Variants in LRRTM4 observed in about 807,000 individuals in gnomAD.
LRRTM4 encodes the protein leucine rich repeat transmembrane neuronal 4, also known as leucine-rich repeat transmembrane neuronal protein 4.
Under a neutral mutation model 47.6 loss-of-function variants are expected in LRRTM4, and 25 were observed. The observed-to-expected ratio is 0.53, with a 90% CI of 0.38 to 0.73. The LOEUF (loss-of-function observed/expected upper bound fraction) is 0.73, where lower values mean the gene tolerates loss of function less well. LRRTM4 is among the 30% of genes least tolerant of loss of function. The pLI is 0.00. For missense variants in LRRTM4, 638 were observed against 713.4 expected (o/e 0.89, Z 1.20); for synonymous variants, 311 against 269.5 (o/e 1.15, Z -1.51).
rs900506996 is a variant in LRRTM4, at chr2:76,803,568, C to T, written c.1552-54652G>A. Reference sequence around the variant, plus strand: ...CTCAAAAAATTAAATATAAAACTAACAGATGATTCGGCAATACCGCTACTG... The same window carrying T: ...CTCAAAAAATTAAATATAAAACTAATAGATGATTCGGCAATACCGCTACTG... On this transcript the variant is annotated intron_variant, in intron 3 of 3. Coordinates refer to ENST00000409884, the MANE Select transcript of LRRTM4 (RefSeq NM_001134745.3). Among the ~76,000 whole-genome samples, 5 of 152,114 alleles carry T rather than the reference C, an allele frequency of 3.3e-5. 1 individual carries two copies. Among genetic ancestry groups the T allele is most frequent in the African/African-American group, 1.2e-4 (5 of 41,448 alleles).
intron 3 of LRRTM4, among the ~76,000 whole-genome samples, chr2:77,060,770 C>CT (rs983678246): frequency 5.9e-5 from 9 of 151,520 alleles, no homozygotes; most frequent in Admixed American, 4.6e-4. Context: ...ACCTATGTCT[C>CT]TTTTTTTTCA....
intron 3 of LRRTM4, among the ~76,000 whole-genome samples, chr2:76,992,580 T>C (rs1677047004): frequency 6.6e-6 from 1 of 151,018 alleles, no homozygotes; most frequent in African/African-American, 2.4e-5. Flanking sequence ...AGGTAAAAGA[T>C]CTGCACAAAG....
At chr2:76,750,783 A>G (rs966154812) in intron 3 of LRRTM4, among the ~76,000 whole-genome samples, 5 of 152,210 alleles carry the variant, frequency 3.3e-5, no homozygotes, top group African/African-American at 1.2e-4. Context: ...GATTAATACA[A>G]CGTTGACACA....
At chr2:77,297,236 A>G (rs190109986) in intron 3 of LRRTM4, among the ~76,000 whole-genome samples, 155 of 152,272 alleles carry the variant, frequency 1.0e-3, no homozygotes, top group African/African-American at 3.6e-3. Context: ...GGCCCTTCTC[A>G]TATTTTACTA....
intron 3 of LRRTM4, among the ~76,000 whole-genome samples, chr2:77,064,090 A>G (rs1679878295): frequency 6.6e-6 from 1 of 152,186 alleles, no homozygotes; most frequent in Non-Finnish European, 1.5e-5. Context: ...TAAAAATGTA[A>G]CTATGCAACA....
intron 3 of LRRTM4, among the ~76,000 whole-genome samples, chr2:77,315,182 T>C (rs1334822837): frequency 1.3e-5 from 2 of 151,992 alleles, no homozygotes; most frequent in African/African-American, 4.8e-5. Flanking sequence ...AAGTTAAAGG[T>C]TTTTTTCTGG....
At chr2:76,759,054 ATT>A in intron 3 of LRRTM4, among the ~76,000 whole-genome samples, 1 of 152,250 alleles carries the variant, frequency 6.6e-6, no homozygotes, top group East Asian at 1.9e-4. Flanking sequence ...GTTTCTAACC[ATT>A]AAAAAAACTA....
intron 3 of LRRTM4, among the ~76,000 whole-genome samples, chr2:76,968,352 A>ATGTG (rs1182322144): frequency 2.8e-5 from 3 of 105,292 alleles, no homozygotes; most frequent in African/African-American, 1.2e-4. Flanking sequence ...ATATATATAT[A>ATGTG]TATATATATA....
intron 3 of LRRTM4, among the ~76,000 whole-genome samples, chr2:77,078,992 T>G (rs1443093544): frequency 6.6e-6 from 1 of 152,178 alleles, no homozygotes; most frequent in Non-Finnish European, 1.5e-5. Flanking sequence ...GCCTATTTTA[T>G]AAGAGCATCA....
chr2:76,880,153 G>A (rs954436699), intron 3 of LRRTM4, among the ~76,000 whole-genome samples: 3 of 152,150 alleles, frequency 2.0e-5, no homozygotes, highest in Admixed American at 6.5e-5. Context: ...GGTTTGAGAG[G>A]GTTGACCCCA....
chr2:77,494,759 C>G (rs60959223), intron 3 of LRRTM4, among the ~76,000 whole-genome samples: 49,898 of 151,906 alleles, frequency 0.33, 8,357 homozygotes, highest in Middle Eastern at 0.35. Context: ...AATGTTTTCA[C>G]CACTCACAAG....
At chr2:76,902,826 A>T (rs1573285892) in intron 3 of LRRTM4, among the ~76,000 whole-genome samples, 1 of 152,150 alleles carries the variant, frequency 6.6e-6, no homozygotes, top group East Asian at 1.9e-4. Flanking sequence ...CCCCAAATTG[A>T]TAGATTCCCC....
intron 3 of LRRTM4, among the ~76,000 whole-genome samples, chr2:76,974,233 TA>T: frequency 7.0e-6 from 1 of 142,734 alleles, no homozygotes; most frequent in Non-Finnish European, 1.5e-5. Context: ...CATACATATA[TA>T]TATATACATA....
At chr2:77,146,840 G>C (rs988958049) in intron 3 of LRRTM4, among the ~76,000 whole-genome samples, 1 of 152,008 alleles carries the variant, frequency 6.6e-6, no homozygotes, top group Non-Finnish European at 1.5e-5. Context: ...AAGAATTAAG[G>C]ATCTCTTCTC....
chr2:77,336,012 G>C (rs1411515374), intron 3 of LRRTM4, among the ~76,000 whole-genome samples: 1 of 152,030 alleles, frequency 6.6e-6, no homozygotes, highest in Non-Finnish European at 1.5e-5. Flanking sequence ...CAGTGGGCTG[G>C]ATTTCATCTG....
chr2:76,899,208 T>C (rs1016000073), intron 3 of LRRTM4, among the ~76,000 whole-genome samples: 4 of 151,596 alleles, frequency 2.6e-5, no homozygotes, highest in African/African-American at 7.3e-5. Context: ...ATTCAACAAA[T>C]ATATATAGAG....
chr2:77,357,304 C>A (rs1383335128), intron 3 of LRRTM4, among the ~76,000 whole-genome samples: 1 of 152,092 alleles, frequency 6.6e-6, no homozygotes, highest in Non-Finnish European at 1.5e-5. Context: ...TATACTGCTG[C>A]AAAATGAGTT....
intron 3 of LRRTM4, among the ~76,000 whole-genome samples, chr2:77,232,277 CTTTATTA>C (rs1674986059): frequency 6.6e-6 from 1 of 152,148 alleles, no homozygotes; most frequent in African/African-American, 2.4e-5. Flanking sequence ...ATCTTTATTC[CTTTATTA>C]TTTAATTTTA....
chr2:77,376,006 C>T (rs753330654), intron 3 of LRRTM4, among the ~76,000 whole-genome samples: 9 of 151,788 alleles, frequency 5.9e-5, no homozygotes, highest in Non-Finnish European at 1.0e-4. Flanking sequence ...TCATGCAGTA[C>T]TTGTTCCTGT....
Sources: gnomAD v4.1 joint callset for allele counts (sites outside exome capture counted in the v4.1 genomes callset) on GRCh38, gnomAD v4.1.1 for gene constraint, MANE v1.5 for transcripts, NCBI Gene and HGNC (gene_info 2026-07-23, HGNC 2026-07-21) for gene names.